RNF217: variants seen among roughly 807,000 people sequenced by gnomAD.
The protein encoded by RNF217 is E3 ubiquitin-protein ligase RNF217.
RNF217 carries 31 observed loss-of-function variants against 57.8 expected under a neutral mutation model. The ratio of observed to expected loss-of-function variants is 0.54; its 90% CI spans 0.40 to 0.72. RNF217 has a LOEUF of 0.72. Ranked by LOEUF, RNF217 falls within the 30% of genes least tolerant of loss-of-function variation. The pLI is 0.00. For synonymous variants in RNF217, 313 were observed against 294.0 expected (o/e 1.06, Z -0.66); for missense variants, 696 against 708.3 (o/e 0.98, Z 0.20).
chr6:125,039,994 C>G lies in RNF217; in HGVS notation c.883-5217C>G, dbSNP rs146673902. 6.6e-3 allele frequency among the ~76,000 whole-genome samples: 997 copies of G among 152,202 alleles called. 6 individuals carry two copies. The highest frequency in any genetic ancestry group is 0.01 in the Non-Finnish European group (711 of 68,004). The stretch of plus-strand genomic sequence containing the variant: ...AGCACTAAATGCCCACATCAGAAAG[C>G]TGGAAAGATCTGAAATCAACACCCT... On this transcript the variant is annotated intron_variant, in intron 1 of 5. Transcript: ENST00000521654.
intron 1 of RNF217, among the ~76,000 whole-genome samples, chr6:124,976,880 C>A (rs962107044): frequency 1.3e-5 from 2 of 152,166 alleles, no homozygotes; most frequent in Non-Finnish European, 2.9e-5. Flanking sequence ...TTTATTATAT[C>A]ACCTTTTGAC....
At chr6:125,071,622 A>C (rs1363900659) in intron 3 of RNF217, among the ~76,000 whole-genome samples, 2 of 151,850 alleles carry the variant, frequency 1.3e-5, no homozygotes, top group Non-Finnish European at 2.9e-5. Flanking sequence ...ATCTACTACA[A>C]TGTGGACTTA....
chr6:124,997,924 C>T (rs181404710), intron 1 of RNF217, among the ~76,000 whole-genome samples: 138 of 152,280 alleles, frequency 9.1e-4, no homozygotes, highest in African/African-American at 3.3e-3. Context: ...CTTACCTGTT[C>T]TTATGTGACG....
At chr6:125,037,522 T>C (rs919539936) in intron 1 of RNF217, among the ~76,000 whole-genome samples, 2 of 152,182 alleles carry the variant, frequency 1.3e-5, no homozygotes, top group East Asian at 1.9e-4. Flanking sequence ...TTTTAAATCA[T>C]TTTTAGAAAA....
intron 2 of RNF217, among the ~76,000 whole-genome samples, chr6:125,046,078 G>C (rs1003235494): frequency 6.6e-6 from 1 of 152,060 alleles, no homozygotes; most frequent in Non-Finnish European, 1.5e-5. Context: ...AGGATGTCAG[G>C]AATGGCTTCA....
intron 1 of RNF217, 92 bp downstream of exon 1, chr6:124,963,518 A>T: frequency 7.2e-7 from 1 of 1,386,596 alleles, no homozygotes; most frequent in South Asian, 1.6e-5. Flanking sequence ...TCGCGCGAAG[A>T]GGTGACCGAC....
At chr6:125,026,876 G>A (rs893010357) in intron 1 of RNF217, among the ~76,000 whole-genome samples, 29 of 151,948 alleles carry the variant, frequency 1.9e-4, no homozygotes, top group African/African-American at 6.8e-4. Flanking sequence ...TTATAGAGTA[G>A]TATTATTTTC....
chr6:125,066,019 GAACTT>G (rs1787924602), intron 3 of RNF217, among the ~76,000 whole-genome samples: 1 of 152,146 alleles, frequency 6.6e-6, no homozygotes, highest in Non-Finnish European at 1.5e-5. Flanking sequence ...CTCAGGCCAA[GAACTT>G]TAGGTTATCC....
rs138827013 is a variant in RNF217 at position 124,971,714 on chromosome 6, G to A, written c.882+8288G>A. The A allele has an allele frequency of 4.5e-5, 7 of 154,234 alleles. No homozygotes were observed. The South Asian group carries it at 1.1e-3, about 25-fold the overall frequency. The allele number at this position is 154,234 out of a possible 1,614,324, so 9.6% of individuals were successfully genotyped here. ...GGTGATCCTCCTGCCTCGGCCTCCC[G>A]AAGTGCTGAGATTACAGGCGTGAGC... On this transcript the variant is annotated intron_variant, in intron 1 of 5. Transcript: ENST00000521654.
At position 125,007,315 on chromosome 6, in the gene RNF217, G is replaced by A. The variant is rs528283540; in HGVS notation, c.883-37896G>A. ...GGCTGGTGTGCAGTGGTGCGATCTC[G>A]GCTCACCGCAACCTCTGCCTCCTGG... is the stretch of plus-strand genomic sequence containing the variant. On this transcript the variant is annotated intron_variant, in intron 1 of 5. Transcript: ENST00000521654. Among the ~76,000 whole-genome samples, 87 of 149,752 alleles carry A rather than the reference G, an allele frequency of 5.8e-4. 2 individuals are homozygous for A. Among genetic ancestry groups the A allele is most frequent in the African/African-American group, 1.8e-3 (73 of 40,852 alleles).
intron 1 of RNF217, among the ~76,000 whole-genome samples, chr6:125,036,397 G>A (rs1159457097): frequency 6.6e-6 from 1 of 152,180 alleles, no homozygotes; most frequent in Non-Finnish European, 1.5e-5. Context: ...ACGTGTGCAT[G>A]TGTCTTTATA....
At chr6:125,002,192 G>A (rs1038538393) in intron 1 of RNF217, among the ~76,000 whole-genome samples, 1 of 152,160 alleles carries the variant, frequency 6.6e-6, no homozygotes, top group Non-Finnish European at 1.5e-5. Flanking sequence ...GCTTCTAAAT[G>A]AAGTGCCTTT....
At chr6:125,078,238 C>G (rs1788452692) in intron 4 of RNF217, among the ~76,000 whole-genome samples, 1 of 152,130 alleles carries the variant, frequency 6.6e-6, no homozygotes, top group South Asian at 2.1e-4. Context: ...ACCTCTAATA[C>G]CATGAGAAAA....
intron 1 of RNF217, among the ~76,000 whole-genome samples, chr6:125,030,639 G>A (rs531064691): frequency 4.4e-4 from 67 of 152,268 alleles, no homozygotes; most frequent in Non-Finnish European, 8.1e-4. Context: ...TCCAGGTCAC[G>A]CTGATGCAAG....
At chr6:125,028,308 A>G (rs990889770) in intron 1 of RNF217, among the ~76,000 whole-genome samples, 5 of 152,080 alleles carry the variant, frequency 3.3e-5, no homozygotes, top group Non-Finnish European at 5.9e-5. Context: ...CACAAAGATA[A>G]TTTGAGGACC....
At chr6:124,967,093 A>T (rs777512915) in intron 1 of RNF217, among the ~76,000 whole-genome samples, 6 of 152,206 alleles carry the variant, frequency 3.9e-5, no homozygotes, top group Non-Finnish European at 8.8e-5. Flanking sequence ...TCTAAATCCA[A>T]GGCAGAGATA....
At chr6:125,076,920 G>A (rs1421123899) in intron 4 of RNF217, 62 bp downstream of exon 4, 9 of 1,412,602 alleles carry the variant, frequency 6.4e-6, no homozygotes, top group East Asian at 2.3e-5. Context: ...AATAGAACTT[G>A]GAAATGTGCA....
chr6:125,048,061 GT>G, intron 2 of RNF217: 2 of 497,198 alleles, frequency 4.0e-6, no homozygotes, highest in South Asian at 4.5e-5. Context: ...TTAGTGTAAA[GT>G]TTATATAACA....
At chr6:124,999,488 T>C (rs1409259106) in intron 1 of RNF217, among the ~76,000 whole-genome samples, 1 of 152,186 alleles carries the variant, frequency 6.6e-6, no homozygotes, top group Admixed American at 6.5e-5. Context: ...AAATTGTGGT[T>C]CAAACTCATT....
Sources: gnomAD v4.1 joint callset for allele counts (sites outside exome capture counted in the v4.1 genomes callset) on GRCh38, gnomAD v4.1.1 for gene constraint, MANE v1.5 for transcripts, NCBI Gene and HGNC (gene_info 2026-07-23, HGNC 2026-07-21) for gene names.